Variants in HDAC9 observed in about 807,000 individuals in gnomAD.
HDAC9 encodes the protein MEF-2 interacting transcription repressor (MITR) protein.
A neutral mutation model predicts 139.4 loss-of-function variants in HDAC9; 41 were observed. The observed-to-expected ratio is 0.29, with a 90% confidence interval of 0.23 to 0.38. HDAC9 has a LOEUF of 0.38. HDAC9 is among the 10% of genes least tolerant of loss of function. HDAC9 has a pLI of 1.00. For missense variants in HDAC9, 1,147 were observed against 1,297.0 expected (o/e 0.88, Z 1.78); for synonymous variants, 517 against 476.2 (o/e 1.09, Z -1.12).
chr7:18,191,916 A>C (rs1424340195), intron 2 of HDAC9, among the ~76,000 whole-genome samples: 1 of 152,240 alleles, frequency 6.6e-6, no homozygotes, highest in Non-Finnish European at 1.5e-5. Flanking sequence ...TTCTATGTCA[A>C]GATTGTATTG....
At chr7:18,236,218 A>T (rs1382532417) in intron 2 of HDAC9, among the ~76,000 whole-genome samples, 1 of 152,172 alleles carries the variant, frequency 6.6e-6, no homozygotes, top group South Asian at 2.1e-4. Flanking sequence ...TCAACTAGGA[A>T]CTTGTTAGCA....
intron 9 of HDAC9, among the ~76,000 whole-genome samples, chr7:18,645,743 G>C (rs1787186525): frequency 6.6e-6 from 1 of 152,130 alleles, no homozygotes; most frequent in South Asian, 2.1e-4. Flanking sequence ...TAGGTTTAGA[G>C]AGAAATTTAT....
At chr7:18,636,450 C>G (rs1156665137) in intron 8 of HDAC9, among the ~76,000 whole-genome samples, 1 of 152,080 alleles carries the variant, frequency 6.6e-6, no homozygotes, top group East Asian at 1.9e-4. Context: ...ATTTGTAGTT[C>G]CCACGTTAGG....
chr7:18,884,003 T>C (rs984801536), intron 22 of HDAC9, among the ~76,000 whole-genome samples: 5 of 152,000 alleles, frequency 3.3e-5, no homozygotes, highest in Non-Finnish European at 7.4e-5. Flanking sequence ...AGGTGAAAGA[T>C]CTCCAAACTG....
rs188842053 is a variant in HDAC9 at position 18,170,736 on chromosome 7, G to C, written c.25+8387G>C. ...CCCATTTCTTGTTTTTGTCAGATTT[G>C]TCAAAGATCAGATGGTTGTAGATGT... On this transcript the variant is annotated intron_variant, in intron 2 of 12. Coordinates refer to the HDAC9 transcript ENST00000417496. Among the ~76,000 whole-genome samples, 6 of 152,168 alleles carry C rather than the reference G, an allele frequency of 3.9e-5. No individual in the cohort carries two copies. The East Asian group carries it at 1.2e-3, about 29-fold the overall frequency.
intron 23 of HDAC9, among the ~76,000 whole-genome samples, chr7:18,952,821 T>G (rs1217350637): frequency 6.6e-6 from 1 of 151,478 alleles, no homozygotes; most frequent in Admixed American, 6.6e-5. Context: ...GGTGATGTTT[T>G]TTTTTTTTTT....
intron 1 of HDAC9, among the ~76,000 whole-genome samples, chr7:18,446,792 A>G (rs1792337365): frequency 6.6e-6 from 1 of 152,190 alleles, no homozygotes; most frequent in Non-Finnish European, 1.5e-5. Flanking sequence ...GGAAATATCA[A>G]GGGCTGCCTT....
At chr7:18,684,100 A>G (rs569493986) in intron 12 of HDAC9, among the ~76,000 whole-genome samples, 1 of 151,478 alleles carries the variant, frequency 6.6e-6, no homozygotes, top group South Asian at 2.1e-4. Flanking sequence ...CTACAAAAAA[A>G]TACAAGAATA....
intron 22 of HDAC9, among the ~76,000 whole-genome samples, chr7:18,926,174 C>T (rs1033477224): frequency 6.6e-6 from 1 of 152,054 alleles, no homozygotes; most frequent in African/African-American, 2.4e-5. Flanking sequence ...CATAGTAAGA[C>T]CCTGTCCTTA....
chr7:18,566,628 G>A lies in HDAC9; in HGVS notation c.23-18653G>A, dbSNP rs140908794. On this transcript the variant is annotated intron_variant, in intron 2 of 25. Coordinates refer to ENST00000686413, the MANE Select transcript of HDAC9 (RefSeq NM_178425.4). The stretch of plus-strand genomic sequence containing the variant: ...TTTGTTTTATACATGAGAAACCCAG[G>A]ATCCATAGACGTGGACTAATCAAGA... Among the ~76,000 whole-genome samples, 4 of 152,268 alleles carry A rather than the reference G, an allele frequency of 2.6e-5. No individual in the cohort carries two copies. In the East Asian group the frequency reaches 7.7e-4, roughly 29 times the overall value.
At chr7:18,945,673 G>T (rs189677379) in intron 23 of HDAC9, among the ~76,000 whole-genome samples, 31 of 152,146 alleles carry the variant, frequency 2.0e-4, no homozygotes, top group Admixed American at 2.0e-4. Flanking sequence ...ATATGTATAT[G>T]GCATAATATA....
At chr7:18,958,113 T>C (rs1053979680) in intron 24 of HDAC9, among the ~76,000 whole-genome samples, 5 of 152,124 alleles carry the variant, frequency 3.3e-5, no homozygotes, top group Non-Finnish European at 7.4e-5. Flanking sequence ...ATCATTTATG[T>C]TGTCCTGTCC....
At chr7:18,297,118 G>A (rs996238839) in intron 1 of HDAC9, among the ~76,000 whole-genome samples, 1 of 152,082 alleles carries the variant, frequency 6.6e-6, no homozygotes, top group Non-Finnish European at 1.5e-5. Flanking sequence ...GTGTAGGTAC[G>A]AGTTGAAGCC....
intron 1 of HDAC9, among the ~76,000 whole-genome samples, chr7:18,098,936 A>G (rs550092157): frequency 3.3e-5 from 5 of 152,036 alleles, no homozygotes; most frequent in African/African-American, 7.2e-5. Flanking sequence ...TTCTTTCCCA[A>G]TTTTTCCCCA....
chr7:18,972,369 CTTTTTTTTTTTTT>C (rs199909134), intron 24 of HDAC9, among the ~76,000 whole-genome samples: 44,840 of 97,752 alleles, frequency 0.46, 7,590 homozygotes, highest in South Asian at 0.61. Context: ...ATGAACTTCT[CTTTTTTTTTTTTT>C]TTTTTTTTTT....
intron 22 of HDAC9, among the ~76,000 whole-genome samples, chr7:18,930,513 CCTGAAAAA>C (rs1804645522): frequency 6.6e-6 from 1 of 151,914 alleles, no homozygotes; most frequent in Non-Finnish European, 1.5e-5. Flanking sequence ...TTTAATATGT[CCTGAAAAA>C]TAATACCTTC....
At chr7:18,203,869 T>A (rs1178314) in intron 2 of HDAC9, among the ~76,000 whole-genome samples, 115,813 of 152,114 alleles carry the variant, frequency 0.76, 44,137 homozygotes, top group South Asian at 0.85. Context: ...GTTACATTTA[T>A]CGAAAGTAAA....
intron 2 of HDAC9, among the ~76,000 whole-genome samples, chr7:18,219,931 C>G (rs1359726955): frequency 6.6e-6 from 1 of 152,098 alleles, no homozygotes; most frequent in Non-Finnish European, 1.5e-5. Context: ...TGTTTCCTGC[C>G]TTGTGGCTTT....
At chr7:18,837,173 A>G (rs1322210130) in intron 21 of HDAC9, among the ~76,000 whole-genome samples, 1 of 151,818 alleles carries the variant, frequency 6.6e-6, no homozygotes, top group African/African-American at 2.4e-5. Context: ...GATACAAAGG[A>G]AAATTCTACC....
Sources: gnomAD v4.1 joint callset for allele counts (sites outside exome capture counted in the v4.1 genomes callset) on GRCh38, gnomAD v4.1.1 for gene constraint, MANE v1.5 for transcripts, NCBI Gene and HGNC (gene_info 2026-07-23, HGNC 2026-07-21) for gene names.